HAPLN1: variants seen among roughly 807,000 people sequenced by gnomAD.
HAPLN1 encodes the protein Cartilage link protein.
In HAPLN1, 13 loss-of-function variants were observed where a neutral mutation model predicts 36.5. The ratio of observed to expected loss-of-function variants is 0.36; its 90% CI spans 0.23 to 0.57. HAPLN1 has a LOEUF of 0.57. HAPLN1 is among the 20% of genes least tolerant of loss of function. The probability of loss-of-function intolerance (pLI) is 0.83; values close to 1 mark genes in which losing one functional copy is unlikely to be tolerated. For synonymous variants in HAPLN1, 202 were observed against 169.8 expected (o/e 1.19, Z -1.48); for missense variants, 407 against 439.7 (o/e 0.93, Z 0.66).
At chr5:83,720,224 T>C (rs184408112) in intron 1 of HAPLN1, among the ~76,000 whole-genome samples, 1 of 152,346 alleles carries the variant, frequency 6.6e-6, no homozygotes, top group East Asian at 1.9e-4. Context: ...ATGAAATGCA[T>C]CATCATTCTA....
intron 1 of HAPLN1, chr5:83,686,142 CAAAAAAAAAAA>C (rs535353958): frequency 3.7e-5 from 3 of 81,642 alleles, no homozygotes; most frequent in South Asian, 5.3e-4. Flanking sequence ...AAAATGTAGC[CAAAAAAAAAAA>C]AAAAAAAAAA....
intron 1 of HAPLN1, 39 bp downstream of exon 1, chr5:83,720,750 G>A (rs1751999736): frequency 6.6e-6 from 1 of 152,162 alleles, no homozygotes; most frequent in African/African-American, 2.4e-5. Context: ...AGGCACAAAG[G>A]TATAACCAAA....
chr5:83,668,053 GA>G (rs1160381600), intron 2 of HAPLN1, among the ~76,000 whole-genome samples: 1 of 152,098 alleles, frequency 6.6e-6, no homozygotes. Context: ...AACTTGATTA[GA>G]AAAAACAACT....
chr5:83,677,514 A>C (rs531788819), intron 1 of HAPLN1, among the ~76,000 whole-genome samples: 1 of 152,148 alleles, frequency 6.6e-6, no homozygotes, highest in Admixed American at 6.5e-5. Flanking sequence ...TCCAGCCAAG[A>C]CCTTTTCATT....
intron 1 of HAPLN1, among the ~76,000 whole-genome samples, chr5:83,691,058 T>C (rs544779256): frequency 4.7e-4 from 72 of 152,126 alleles, no homozygotes; most frequent in Middle Eastern, 3.4e-3. Context: ...ACACTCAAGA[T>C]ATTGGACATC....
At position 83,712,415 on chromosome 5, in the gene HAPLN1, T is replaced by C. The variant is rs1244026291; in HGVS notation, c.-27+8374A>G. On this transcript the variant is annotated intron_variant, in intron 1 of 4. Coordinates refer to ENST00000274341, the MANE Select transcript of HAPLN1 (RefSeq NM_001884.4). ...GTACATTATTTTAAAATATTTTAGC[T>C]AGAATAAAAAACATGATCATGAATA... Among the ~76,000 whole-genome samples the C allele has an allele frequency of 4.6e-5, 7 of 152,232 alleles. No individual in the cohort carries two copies. The East Asian group carries it at 1.3e-3, about 29-fold the overall frequency.
intron 2 of HAPLN1, among the ~76,000 whole-genome samples, chr5:83,668,966 T>C (rs1750629089): frequency 2.0e-5 from 3 of 152,212 alleles, no homozygotes. Context: ...AGACATAAAC[T>C]TCTGGCAATT....
At position 83,639,579 on chromosome 5, in the gene HAPLN1, G is replaced by A. The variant is rs953841093; in HGVS notation, c.*1917C>T. The stretch of plus-strand genomic sequence containing the variant: ...TAGCCCCCATATTTGAGGTGTTAAA[G>A]TTGTTATTTGGGAGATAGTCCCCTC... On this transcript the variant is annotated 3_prime_UTR_variant, in exon 5 of 5. Transcript: ENST00000274341. 1.3e-5 allele frequency: 2 copies of A among 152,024 alleles called. No homozygotes were observed. Among genetic ancestry groups the A allele is most frequent in the Non-Finnish European group, 2.9e-5 (2 of 67,918 alleles). The allele number at this position is 152,024 out of a possible 1,614,324, so 9.4% of individuals were successfully genotyped here.
chr5:83,698,050 G>T (rs1751432164), intron 1 of HAPLN1, among the ~76,000 whole-genome samples: 1 of 152,164 alleles, frequency 6.6e-6, no homozygotes, highest in Middle Eastern at 3.4e-3. Flanking sequence ...CACTTTGGTT[G>T]CGTGGCTTTT....
At chr5:83,686,986 G>A (rs1169789340) in intron 1 of HAPLN1, among the ~76,000 whole-genome samples, 1 of 152,098 alleles carries the variant, frequency 6.6e-6, no homozygotes, top group Non-Finnish European at 1.5e-5. Flanking sequence ...AAGTTAATAG[G>A]TGGAACTGGC....
intron 1 of HAPLN1, among the ~76,000 whole-genome samples, chr5:83,691,216 G>C (rs1166807332): frequency 6.6e-6 from 1 of 152,050 alleles, no homozygotes; most frequent in African/African-American, 2.4e-5. Context: ...TGAGAGCCAA[G>C]AGTTCTGAAA....
At position 83,697,904 on chromosome 5, in the gene HAPLN1, A is replaced by C. The variant is rs113924513; in HGVS notation, c.-27+22885T>G. ...TGGGCTGTTTATTTTTTAATTGTTG[A>C]ATTAGAATTTTTTATATATTCTGGA... On this transcript the variant is annotated intron_variant, in intron 1 of 4. Transcript: ENST00000274341. Among the ~76,000 whole-genome samples the C allele has an allele frequency of 5.7e-3, 867 of 152,002 alleles. 4 individuals carry two copies. The highest frequency in any genetic ancestry group is 0.02 in the African/African-American group (814 of 41,458).
chr5:83,645,475 C>CTTTTTT, intron 3 of HAPLN1, among the ~76,000 whole-genome samples: 18 of 74,332 alleles, frequency 2.4e-4, no homozygotes, highest in South Asian at 5.2e-4. Flanking sequence ...CTTTTTCTTT[C>CTTTTTT]TTTTTTTTTT....
intron 2 of HAPLN1, among the ~76,000 whole-genome samples, chr5:83,653,650 A>G (rs374048919): frequency 1.3e-5 from 2 of 152,146 alleles, no homozygotes; most frequent in African/African-American, 4.8e-5. Context: ...CAGTTATCTT[A>G]TTACTTCCAC....
In HAPLN1 at chr5:83,712,660, G is replaced by T. The variant is rs567184367; in HGVS notation, c.-27+8129C>A. 3.4e-3 allele frequency among the ~76,000 whole-genome samples: 519 copies of T among 152,010 alleles called. 2 individuals carry two copies. Among genetic ancestry groups the T allele is most frequent in the Non-Finnish European group, 5.0e-3 (339 of 67,934 alleles). ...GAAATTTCATGAAAAAATTTTGTTG[G>T]CATATTCTAGTTACAGTAACTTTAA... On this transcript the variant is annotated intron_variant, in intron 1 of 4. Transcript: ENST00000274341.
In HAPLN1 at chr5:83,652,663, A is replaced by G. The variant is rs1199885929; in HGVS notation, c.262T>C (p.Tyr88His). Residue 88 changes from tyrosine to histidine, a missense_variant, in exon 3 of 5, where the codon TAC (tyrosine) becomes CAC (histidine). Tyr to His is a moderately conservative substitution (Grantham distance 83, BLOSUM62 2). Coordinates refer to ENST00000274341, the MANE Select transcript of HAPLN1 (RefSeq NM_001884.4). ...RIKWTKLTSD[Y>H]LKEVDVFVSM... ...ACAAAAACATCCACTTCCTTGAGGT[A>G]ATCCGAAGTTAGCTTGGTCCACTTA... The G allele has an allele frequency of 5.0e-6, 8 of 1,614,026 alleles. No homozygotes were observed. The highest frequency in any genetic ancestry group is 6.8e-6 in the Non-Finnish European group (8 of 1,180,020).
chr5:83,686,857 A>C (rs568116367), intron 1 of HAPLN1, among the ~76,000 whole-genome samples: 1 of 152,316 alleles, frequency 6.6e-6, no homozygotes, highest in South Asian at 2.1e-4. Context: ...GTTCAAGAGC[A>C]GGATAAGGTT....
At chr5:83,714,834 C>A (rs1751881218) in intron 1 of HAPLN1, among the ~76,000 whole-genome samples, 1 of 152,218 alleles carries the variant, frequency 6.6e-6, no homozygotes, top group South Asian at 2.1e-4. Flanking sequence ...ACAGTTGAAG[C>A]ACTGTCATGA....
intron 3 of HAPLN1, among the ~76,000 whole-genome samples, chr5:83,647,274 A>AT (rs1384452853): frequency 6.6e-6 from 1 of 152,182 alleles, no homozygotes; most frequent in Non-Finnish European, 1.5e-5. Context: ...ATATTTTAGT[A>AT]TTTTTCAATT....
Sources: gnomAD v4.1 joint callset for allele counts (sites outside exome capture counted in the v4.1 genomes callset) on GRCh38, gnomAD v4.1.1 for gene constraint, MANE v1.5 for transcripts, NCBI Gene and HGNC (gene_info 2026-07-23, HGNC 2026-07-21) for gene names.